The following TMEM132D variants were observed in gnomAD, a reference collection of about 807,000 sequenced individuals.
TMEM132D encodes the protein mature OL transmembrane protein.
A neutral mutation model predicts 62.3 loss-of-function variants in TMEM132D; 21 were observed. The observed-to-expected ratio is 0.34, with a 90% CI of 0.24 to 0.49. TMEM132D has a LOEUF of 0.49. TMEM132D is among the 20% of genes least tolerant of loss of function. The probability of loss-of-function intolerance (pLI) is 0.99; values close to 1 mark genes in which losing one functional copy is unlikely to be tolerated. For missense variants in TMEM132D, 1,346 were observed against 1,402.8 expected (o/e 0.96, Z 0.65); for synonymous variants, 621 against 575.6 (o/e 1.08, Z -1.13).
intron 3 of TMEM132D, among the ~76,000 whole-genome samples, chr12:129,361,006 G>A (rs1870232370): frequency 6.6e-6 from 1 of 152,134 alleles, no homozygotes; most frequent in South Asian, 2.1e-4. Context: ...AGCTTCCTGT[G>A]TTCACGGCAT....
At position 129,416,800 on chromosome 12, in the gene TMEM132D, A is replaced by G. The variant is rs1872133975; in HGVS notation, c.1116-78983T>C. 2.6e-5 allele frequency among the ~76,000 whole-genome samples: 4 copies of G among 152,112 alleles called. 1 individual carries two copies. The South Asian group carries it at 8.3e-4, about 32-fold the overall frequency. On this transcript the variant is annotated intron_variant, in intron 3 of 8. Transcript: ENST00000422113. ...GCCTTTTCTGCATCTATTGAGATAAACATGTGGTTTTTGTCATTGGTTCTG... is the reference window on the plus strand; with the variant it reads ...GCCTTTTCTGCATCTATTGAGATAAGCATGTGGTTTTTGTCATTGGTTCTG...
At chr12:129,594,596 G>C (rs1878283258) in intron 2 of TMEM132D, among the ~76,000 whole-genome samples, 1 of 152,210 alleles carries the variant, frequency 6.6e-6, no homozygotes, top group South Asian at 2.1e-4. Flanking sequence ...CACATGCATA[G>C]TCCAAAATGA....
chr12:129,608,439 G>C (rs910940238), intron 2 of TMEM132D, among the ~76,000 whole-genome samples: 3 of 152,148 alleles, frequency 2.0e-5, no homozygotes, highest in Non-Finnish European at 4.4e-5. Context: ...ACTAAAAAGG[G>C]TACCAAGGCT....
At chr12:129,403,665 A>G (rs951076139) in intron 3 of TMEM132D, among the ~76,000 whole-genome samples, 7 of 152,172 alleles carry the variant, frequency 4.6e-5, no homozygotes, top group African/African-American at 1.2e-4. Flanking sequence ...GAACACGGGG[A>G]AAACGAGAGC....
At chr12:129,896,630 G>A (rs898034838) in intron 1 of TMEM132D, among the ~76,000 whole-genome samples, 9 of 152,236 alleles carry the variant, frequency 5.9e-5, no homozygotes, top group South Asian at 4.1e-4. Flanking sequence ...TGTCACTCTC[G>A]TGAAAAGAAT....
At chr12:129,481,954 C>T (rs966525835) in intron 3 of TMEM132D, among the ~76,000 whole-genome samples, 1 of 152,194 alleles carries the variant, frequency 6.6e-6, no homozygotes, top group Non-Finnish European at 1.5e-5. Flanking sequence ...GTTTAGCAAG[C>T]GGGAAGACTC....
chr12:129,163,301 C>T (rs1303265739), intron 5 of TMEM132D, among the ~76,000 whole-genome samples: 2 of 152,196 alleles, frequency 1.3e-5, no homozygotes, highest in Admixed American at 6.5e-5. Flanking sequence ...TTTCATTTCT[C>T]CCTCCTACAT....
intron 1 of TMEM132D, among the ~76,000 whole-genome samples, chr12:129,864,851 A>G (rs1056612694): frequency 3.5e-4 from 53 of 152,170 alleles, no homozygotes; most frequent in Non-Finnish European, 2.9e-5. Flanking sequence ...AGTACTCTAG[A>G]TAGTCCGTGT....
rs1229002861 is a variant in TMEM132D at position 129,700,351 on chromosome 12, G to C, written c.427C>G (p.Pro143Ala). Residue 143 changes from proline to alanine, a missense_variant, in exon 2 of 9, where the codon CCC (proline) becomes GCC (alanine). Coordinates refer to ENST00000422113, the MANE Select transcript of TMEM132D (RefSeq NM_133448.3). Reference sequence around the variant, plus strand: ...ATGTGGAACAGAACCTGCACTTTGGGCCGGCTCAGGTAGACTTTGTCCCGC... The same window carrying C: ...ATGTGGAACAGAACCTGCACTTTGGCCCGGCTCAGGTAGACTTTGTCCCGC... ...ILRDKVYLSR[P>A]KVQVLFHIMG... 1 of 1,614,052 alleles carries C rather than the reference G, an allele frequency of 6.2e-7. No homozygotes were observed. Among genetic ancestry groups the C allele is most frequent in the Admixed American group, 1.7e-5 (1 of 60,024 alleles).
chr12:129,664,322 G>A (rs1880318124), intron 2 of TMEM132D, among the ~76,000 whole-genome samples: 1 of 151,976 alleles, frequency 6.6e-6, no homozygotes. Flanking sequence ...ACCAGCTTTA[G>A]CTTAGAACCA....
intron 2 of TMEM132D, among the ~76,000 whole-genome samples, chr12:129,602,955 C>T (rs780762055): frequency 6.6e-6 from 1 of 152,116 alleles, no homozygotes; most frequent in Non-Finnish European, 1.5e-5. Context: ...ACCATTAGAT[C>T]TTGTGATAAC....
intron 1 of TMEM132D, among the ~76,000 whole-genome samples, chr12:129,865,137 A>G (rs945126237): frequency 5.3e-5 from 8 of 152,200 alleles, no homozygotes; most frequent in African/African-American, 1.9e-4. Context: ...GATGCACTGG[A>G]AACCCCTGTG....
chr12:129,259,350 G>A (rs1880491692), intron 4 of TMEM132D, among the ~76,000 whole-genome samples: 1 of 152,188 alleles, frequency 6.6e-6, no homozygotes, highest in Non-Finnish European at 1.5e-5. Context: ...CCAGGCATGA[G>A]CAAACCTGGG....
intron 4 of TMEM132D, among the ~76,000 whole-genome samples, chr12:129,229,174 G>A (rs1004124779): frequency 3.9e-5 from 6 of 152,214 alleles, no homozygotes; most frequent in African/African-American, 1.4e-4. Flanking sequence ...GACAGGCACA[G>A]GGTAAACACT....
At chr12:129,583,720 G>A (rs972883647) in intron 2 of TMEM132D, among the ~76,000 whole-genome samples, 3 of 152,144 alleles carry the variant, frequency 2.0e-5, no homozygotes, top group Admixed American at 6.5e-5. Flanking sequence ...GAATGAGGCG[G>A]GTCTGTCTGA....
At chr12:129,508,850 G>A (rs536047615) in intron 3 of TMEM132D, among the ~76,000 whole-genome samples, 1 of 152,228 alleles carries the variant, frequency 6.6e-6, no homozygotes, top group Admixed American at 6.5e-5. Context: ...CCTACGTAGG[G>A]AACTGGACTC....
rs534210585 is a variant in TMEM132D at position 129,701,050 on chromosome 12, T to C, written c.80-352A>G. 3.9e-5 allele frequency among the ~76,000 whole-genome samples: 6 copies of C among 152,252 alleles called. No individual in the cohort carries two copies. In the East Asian group the frequency reaches 9.7e-4, roughly 25 times the overall value. On this transcript the variant is annotated intron_variant, in intron 1 of 8. Transcript: ENST00000422113. ...TTTGATCAAAGGAGAGATTAGCAAG[T>C]GTTAGAAAGCTGTCACAGACAAGCT...
intron 2 of TMEM132D, among the ~76,000 whole-genome samples, chr12:129,663,641 A>G (rs1880301671): frequency 6.6e-6 from 1 of 152,210 alleles, no homozygotes. Context: ...AAAGAGGGAA[A>G]TGGATGTTGG....
chr12:129,120,831 AT>A (rs555439087), intron 5 of TMEM132D, among the ~76,000 whole-genome samples: 1 of 150,936 alleles, frequency 6.6e-6, no homozygotes, highest in Non-Finnish European at 1.5e-5. Context: ...AGTGCAGTTC[AT>A]TTTTTTTTGT....
Sources: gnomAD v4.1 joint callset for allele counts (sites outside exome capture counted in the v4.1 genomes callset) on GRCh38, gnomAD v4.1.1 for gene constraint, MANE v1.5 for transcripts, NCBI Gene and HGNC (gene_info 2026-07-23, HGNC 2026-07-21) for gene names.